The following EMC2 variants were observed in gnomAD, a reference collection of about 807,000 sequenced individuals.
EMC2 encodes ER membrane protein complex subunit 2, also known as TPR repeat protein 35.
EMC2 carries 37 observed loss-of-function variants against 51.6 expected under a neutral mutation model. The ratio of observed to expected loss-of-function variants is 0.72; its 90% CI spans 0.55 to 0.94. The LOEUF is 0.94. EMC2 is among the 40% of genes least tolerant of loss of function. The probability of loss-of-function intolerance (pLI) is 0.00; values close to 1 mark genes in which losing one functional copy is unlikely to be tolerated. For missense variants in EMC2, 359 were observed against 350.9 expected (o/e 1.02, Z -0.18); for synonymous variants, 131 against 112.4 (o/e 1.17, Z -1.04).
chr8:108,464,119 C>T (rs1240148681), intron 5 of EMC2: 1 of 152,224 alleles, frequency 6.6e-6, no homozygotes, highest in African/African-American at 2.4e-5. Flanking sequence ...TTTTCATCTT[C>T]TCACGCCTTG....
chr8:108,450,276 A>G, intron 2 of EMC2, 152 bp from the exon 3 acceptor site: 1 of 627,978 alleles, frequency 1.6e-6, no homozygotes, highest in Non-Finnish European at 2.9e-6. Flanking sequence ...AACATGTAAG[A>G]ATGCATTCTT....
At chr8:108,479,395 A>G (rs1811006448) in intron 10 of EMC2, among the ~76,000 whole-genome samples, 1 of 152,164 alleles carries the variant, frequency 6.6e-6, no homozygotes, top group Non-Finnish European at 1.5e-5. Flanking sequence ...CAGAAAGGAT[A>G]AATAAATATC....
intron 3 of EMC2, among the ~76,000 whole-genome samples, chr8:108,452,640 TTG>T (rs1819055580): frequency 6.6e-6 from 1 of 152,156 alleles, no homozygotes; most frequent in African/African-American, 2.4e-5. Context: ...TTTATGTTAT[TTG>T]CTAGGAACTT....
intron 5 of EMC2, 47 bp downstream of exon 5, chr8:108,455,977 A>C: frequency 1.2e-6 from 1 of 813,274 alleles, no homozygotes; most frequent in South Asian, 2.2e-5. Context: ...TTAATTTAAA[A>C]GATAAAATTA....
rs1810938036 is a variant in EMC2 at position 108,475,928 on chromosome 8, C to T, written c.556C>T (p.Pro186Ser). ...TTTAGAGGAACTAATGATGACTAATCCACACAACCACTTATACTGTCAGCA... is the reference window on the plus strand; with the variant it reads ...TTTAGAGGAACTAATGATGACTAATTCACACAACCACTTATACTGTCAGCA... ...FCLEELMMTN[P>S]HNHLYCQQYA... Residue 186 changes from proline to serine, a missense_variant, in exon 8 of 11, where the codon CCA becomes TCA. Transcript: ENST00000220853. 1.9e-6 allele frequency: 3 copies of T among 1,599,834 alleles called. No individual in the cohort carries two copies. Among genetic ancestry groups the T allele is most frequent in the Non-Finnish European group, 2.6e-6 (3 of 1,172,216 alleles).
At chr8:108,484,376 A>G (rs886548944) in intron 10 of EMC2, among the ~76,000 whole-genome samples, 1 of 152,002 alleles carries the variant, frequency 6.6e-6, no homozygotes, top group African/African-American at 2.4e-5. Flanking sequence ...TGTATTTCCA[A>G]CTTTCTTTTA....
chr8:108,469,942 T>C, intron 6 of EMC2, 31 bp downstream of exon 6: 1 of 1,572,128 alleles, frequency 6.4e-7, no homozygotes, highest in South Asian at 1.1e-5. Flanking sequence ...TTGTGTTTTG[T>C]TATTCTGATA....
At chr8:108,452,144 C>T (rs1219658439) in intron 3 of EMC2, among the ~76,000 whole-genome samples, 2 of 152,148 alleles carry the variant, frequency 1.3e-5, no homozygotes, top group Non-Finnish European at 2.9e-5. Flanking sequence ...TGTAGATACT[C>T]AGTAAATATT....
chr8:108,444,310 C>T (rs868558142), intron 1 of EMC2, among the ~76,000 whole-genome samples: 1 of 152,166 alleles, frequency 6.6e-6, no homozygotes, highest in Non-Finnish European at 1.5e-5. Flanking sequence ...CTAGTAGTTT[C>T]TTTTCTGAAG....
Position 108,469,818 on chromosome 8 carries a change from A to AC in EMC2, c.364-5dup, listed in dbSNP as rs1226519168. The stretch of plus-strand genomic sequence containing the variant: ...AGGGCCTAATCCTTTATTAATGTCA[A>AC]CCCACAGGCTGCAAGAAAGCGTAAG... On this transcript the variant is annotated splice_region_variant and splice_polypyrimidine_tract_variant and intron_variant, in intron 5 of 10. Coordinates refer to ENST00000220853, the MANE Select transcript of EMC2 (RefSeq NM_014673.5). The AC allele has an allele frequency of 1.9e-6, 3 of 1,612,182 alleles. No individual in the cohort carries two copies. The African/African-American group carries it at 4.0e-5, about 22-fold the overall frequency.
chr8:108,460,918 CA>C (rs1819304042), intron 5 of EMC2, among the ~76,000 whole-genome samples: 1 of 152,174 alleles, frequency 6.6e-6, no homozygotes, highest in South Asian at 2.1e-4. Flanking sequence ...GAATACCTCT[CA>C]TGAACCATCA....
intron 1 of EMC2, among the ~76,000 whole-genome samples, chr8:108,449,133 G>A (rs1180157334): frequency 1.3e-5 from 2 of 152,086 alleles, no homozygotes; most frequent in Admixed American, 1.3e-4. Flanking sequence ...ACCTTTAAGA[G>A]ACAGGGGTCT....
intron 10 of EMC2, among the ~76,000 whole-genome samples, chr8:108,484,312 A>T (rs186811375): frequency 3.0e-3 from 453 of 152,228 alleles, no homozygotes; most frequent in Admixed American, 7.5e-3. Flanking sequence ...TTGCCATACA[A>T]TTCTGGAATA....
intron 5 of EMC2, among the ~76,000 whole-genome samples, chr8:108,467,477 T>C (rs533276438): frequency 6.6e-6 from 1 of 152,098 alleles, no homozygotes; most frequent in Non-Finnish European, 1.5e-5. Context: ...GCCTCCCAAG[T>C]AGTTGGGATT....
chr8:108,455,069 C>T (rs533089006), intron 4 of EMC2, among the ~76,000 whole-genome samples: 36 of 150,714 alleles, frequency 2.4e-4, no homozygotes, highest in African/African-American at 8.3e-4. Flanking sequence ...GCTATTTATT[C>T]TGCTTGATGT....
chr8:108,460,280 A>T lies in EMC2; in HGVS notation c.363+4350A>T, dbSNP rs78417128. Among the ~76,000 whole-genome samples the T allele has an allele frequency of 5.5e-3, 833 of 152,346 alleles. 28 individuals carry two copies. The highest frequency in any genetic ancestry group is 0.038 in the East Asian group (198 of 5,190). ...AGTTATTTCACTTCTTCAGACTATA[A>T]GATAATATGTGATTAATTATTGCTC... On this transcript the variant is annotated intron_variant, in intron 5 of 10. Coordinates refer to ENST00000220853, the MANE Select transcript of EMC2 (RefSeq NM_014673.5).
At chr8:108,483,861 A>G (rs1811089587) in intron 10 of EMC2, among the ~76,000 whole-genome samples, 1 of 152,182 alleles carries the variant, frequency 6.6e-6, no homozygotes, top group Admixed American at 6.5e-5. Flanking sequence ...CTTGATAACT[A>G]GGTAAATCTT....
At chr8:108,450,185 G>A (rs530923004) in intron 2 of EMC2, among the ~76,000 whole-genome samples, 9 of 152,230 alleles carry the variant, frequency 5.9e-5, no homozygotes, top group Admixed American at 2.0e-4. Context: ...AAAATGTATT[G>A]TGTATGGACT....
intron 2 of EMC2, 25 bp downstream of exon 2, chr8:108,449,961 C>G: frequency 9.6e-7 from 1 of 1,039,790 alleles, no homozygotes; most frequent in Non-Finnish European, 1.5e-6. Context: ...TACATTCAGG[C>G]TCAGTACATG....
Sources: allele counts gnomAD v4.1 joint callset (sites outside exome capture counted in the v4.1 genomes callset), GRCh38; gene constraint gnomAD v4.1.1; transcripts MANE v1.5; gene names NCBI Gene and HGNC (gene_info 2026-07-23, HGNC 2026-07-21).